The following RUFY3 variants were observed in gnomAD, a reference collection of about 807,000 sequenced individuals.
The protein encoded by RUFY3 is RUN and FYVE domain containing 3.
In RUFY3, 34 loss-of-function variants were observed where a neutral mutation model predicts 84.0. The ratio of observed to expected loss-of-function variants is 0.40; its 90% CI spans 0.31 to 0.54. The LOEUF is 0.54. Among genes scored for constraint, RUFY3 ranks in the 20% least tolerant of loss-of-function variants. The probability of loss-of-function intolerance (pLI) is 0.39; values close to 1 mark genes in which losing one functional copy is unlikely to be tolerated. For missense variants in RUFY3, 507 were observed against 736.8 expected (o/e 0.69, Z 3.61); for synonymous variants, 242 against 252.9 (o/e 0.96, Z 0.41).
rs564634250 is a variant in RUFY3 at position 70,744,657 on chromosome 4, T to A, written c.179-17862T>A. On this transcript the variant is annotated intron_variant, in intron 1 of 17. Transcript: ENST00000381006. Reference sequence around the variant, plus strand: ...CAATTGAAGCTTCTTATTTTGAATTTTTTTTTTTTTTTTTGAGATGGAGTT... The same window carrying A: ...CAATTGAAGCTTCTTATTTTGAATTATTTTTTTTTTTTTTGAGATGGAGTT... Among the ~76,000 whole-genome samples the A allele has an allele frequency of 2.3e-5, 3 of 127,864 alleles. No homozygotes were observed. In the East Asian group the frequency reaches 5.8e-4, roughly 25 times the overall value. The allele number at this position is 127,864 out of a possible 152,430, so 83.9% of individuals were successfully genotyped here.
upstream of RUFY3, among the ~76,000 whole-genome samples, chr4:70,721,398 G>T (rs1248972524): frequency 2.0e-5 from 3 of 150,976 alleles, 1 homozygote; most frequent in South Asian, 4.2e-4. Flanking sequence ...AATTGGGAAA[G>T]ATTTTACTTT....
chr4:70,800,180 A>G lies in RUFY3; in HGVS notation c.1597A>G (p.Lys533Glu). 1 of 1,607,188 alleles carries G rather than the reference A, an allele frequency of 6.2e-7. No individual in the cohort carries two copies. Among genetic ancestry groups the G allele is most frequent in the South Asian group, 1.1e-5 (1 of 88,408 alleles). Reference protein sequence around the residue: ...HKMQEENVKLKKPLEESHRLQ... With the variant: ...HKMQEENVKLEKPLEESHRLQ... ...AATGCAAGAGGAAAATGTTAAACTA[A>G]AAAAGCCCCTGGAAGAAAGCCACAG... Residue 533 changes from lysine (K) to glutamate (E), a missense_variant, in exon 15 of 18, where the codon AAA becomes GAA. Transcript: ENST00000381006.
rs1732943591 is a variant in RUFY3, at chr4:70,807,318, A to T, written c.*659A>T. On this transcript the variant is annotated 3_prime_UTR_variant, in exon 18 of 18. Coordinates refer to ENST00000381006, the MANE Select transcript of RUFY3 (RefSeq NM_001037442.4). ...AGGGTTTTCATTATCAAAAAAAAGAACATTTGTTTTTCTACTTTATGACTT... is the reference window on the plus strand; with the variant it reads ...AGGGTTTTCATTATCAAAAAAAAGATCATTTGTTTTTCTACTTTATGACTT... 1 of 152,236 alleles carries T rather than the reference A, an allele frequency of 6.6e-6. No homozygotes were observed. The highest frequency in any genetic ancestry group is 2.4e-5 in the African/African-American group (1 of 41,470). 9.4% of individuals were successfully genotyped at this position (152,236 alleles called of 1,614,324 possible).
At chr4:70,775,944 C>CAAAAAAAAAAAAAA (rs11369578) in intron 7 of RUFY3, among the ~76,000 whole-genome samples, 66 of 132,266 alleles carry the variant, frequency 5.0e-4, no homozygotes, top group African/African-American at 9.7e-4. Flanking sequence ...CTGTCTTAAA[C>CAAAAAAAAAAAAAA]AAAAAAAAAA....
chr4:70,768,198 C>T (rs971256889), intron 4 of RUFY3, among the ~76,000 whole-genome samples: 6 of 152,168 alleles, frequency 3.9e-5, no homozygotes, highest in African/African-American at 1.4e-4. Flanking sequence ...ATCACAAGTA[C>T]AAATATGTCA....
chr4:70,762,219 A>G (rs560934084), intron 1 of RUFY3, among the ~76,000 whole-genome samples: 2 of 152,278 alleles, frequency 1.3e-5, no homozygotes, highest in African/African-American at 4.8e-5. Flanking sequence ...GGAGGCAGAG[A>G]CAGAAGGGTT....
intron 1 of RUFY3, among the ~76,000 whole-genome samples, chr4:70,744,178 G>T (rs994884616): frequency 2.0e-5 from 3 of 152,044 alleles, no homozygotes; most frequent in Non-Finnish European, 2.9e-5. Flanking sequence ...ATAACAGTTG[G>T]CTTTTTTAAA....
intron 1 of RUFY3, among the ~76,000 whole-genome samples, chr4:70,736,113 C>A (rs1720237211): frequency 2.1e-5 from 3 of 144,938 alleles, no homozygotes. Flanking sequence ...GTGATTGCGC[C>A]ACAGTGCTCC....
chr4:70,789,767 A>G (rs542679166), intron 12 of RUFY3, 175 bp downstream of exon 12: 38 of 1,257,294 alleles, frequency 3.0e-5, no homozygotes, highest in African/African-American at 1.9e-4. Context: ...TATGACTGAA[A>G]TGTTTTTAGG....
intron 6 of RUFY3, among the ~76,000 whole-genome samples, chr4:70,774,483 C>T (rs9685556): frequency 2.0e-5 from 3 of 148,784 alleles, no homozygotes; most frequent in Non-Finnish European, 3.0e-5. Flanking sequence ...GGCATTATGG[C>T]GGGTGCCTGT....
At chr4:70,755,482 A>C (rs1461808305) in intron 1 of RUFY3, among the ~76,000 whole-genome samples, 1 of 152,224 alleles carries the variant, frequency 6.6e-6, no homozygotes, top group East Asian at 1.9e-4. Flanking sequence ...CCTTGGTGAC[A>C]TGATTTGTTT....
intron 1 of RUFY3, among the ~76,000 whole-genome samples, chr4:70,725,283 A>G (rs1366098357): frequency 3.3e-5 from 5 of 151,508 alleles, no homozygotes; most frequent in Non-Finnish European, 5.9e-5. Flanking sequence ...CATTATCTCA[A>G]TGCTTATTGG....
At chr4:70,791,113 TG>T (rs370786689) in intron 12 of RUFY3, 136,951 of 859,572 alleles carry the variant, frequency 0.16, 12,501 homozygotes, top group Non-Finnish European at 0.18. Flanking sequence ...AAGAGAATAA[TG>T]ACTTATCTCT....
chr4:70,787,187 A>AT (rs1341692129), intron 10 of RUFY3, among the ~76,000 whole-genome samples: 1,377 of 80,958 alleles, frequency 0.017, 8 homozygotes, highest in African/African-American at 0.019. Flanking sequence ...AAAAAAAAAA[A>AT]ATATATATAT....
chr4:70,716,845 C>CAAAAAAAAAAAAAAAAAA (rs531822773), intron 1 of RUFY3, among the ~76,000 whole-genome samples: 1 of 72,500 alleles, frequency 1.4e-5, no homozygotes, highest in African/African-American at 3.6e-5. Flanking sequence ...AACTCTGTCT[C>CAAAAAAAAAAAAAAAAAA]AAAAAAAAAA....
chr4:70,801,256 C>T (rs1732196945), intron 15 of RUFY3, among the ~76,000 whole-genome samples: 1 of 151,574 alleles, frequency 6.6e-6, no homozygotes. Flanking sequence ...CAGTGGACTA[C>T]TCTGTATGAT....
upstream of RUFY3, among the ~76,000 whole-genome samples, chr4:70,720,888 CGTGTGTGTGT>C (rs71210198): frequency 8.2e-3 from 1,130 of 138,556 alleles, 13 homozygotes; most frequent in African/African-American, 0.026. Flanking sequence ...AATATAGGGC[CGTGTGTGTGT>C]GTGTGTGTGT....
chr4:70,707,022 C>T (rs1740414320), intron 1 of RUFY3, among the ~76,000 whole-genome samples: 1 of 152,210 alleles, frequency 6.6e-6, no homozygotes, highest in Non-Finnish European at 1.5e-5. Context: ...TGTAGAGGAA[C>T]TTTTCAACTA....
chr4:70,758,812 G>T (rs566413184), intron 1 of RUFY3, among the ~76,000 whole-genome samples: 1 of 152,174 alleles, frequency 6.6e-6, no homozygotes, highest in Non-Finnish European at 1.5e-5. Context: ...GGCCGAGGCA[G>T]GTAGATCACG....
Sources: gnomAD v4.1 joint callset for allele counts (sites outside exome capture counted in the v4.1 genomes callset) on GRCh38, gnomAD v4.1.1 for gene constraint, MANE v1.5 for transcripts, NCBI Gene and HGNC (gene_info 2026-07-23, HGNC 2026-07-21) for gene names.